SF3B2: variants seen among roughly 807,000 people sequenced by gnomAD.
SF3B2 encodes SAP 145.
Under a neutral mutation model 116.3 loss-of-function variants are expected in SF3B2, and 22 were observed. The ratio of observed to expected loss-of-function variants is 0.19; its 90% confidence interval spans 0.14 to 0.27. The LOEUF is 0.27. SF3B2 is among the 10% of genes least tolerant of loss of function. The pLI is 1.00. For missense variants in SF3B2, 767 were observed against 1,151.4 expected (o/e 0.67, Z 4.83); for synonymous variants, 406 against 421.6 (o/e 0.96, Z 0.45).
At position 66,055,525 on chromosome 11, in the gene SF3B2, C is replaced by T; in HGVS notation, c.499-10C>T. ...ATTGGTGCTGGTATGAACTTGTTTT[C>T]TTTTTTAAGCAGGGAGATCATTCGC... is the stretch of plus-strand genomic sequence containing the variant. On this transcript the variant is annotated splice_polypyrimidine_tract_variant and intron_variant, in intron 4 of 21. Coordinates refer to ENST00000322535, the MANE Select transcript of SF3B2 (RefSeq NM_006842.3). The T allele has an allele frequency of 6.2e-7, 1 of 1,614,126 alleles. No individual in the cohort carries two copies. Among genetic ancestry groups the T allele is most frequent in the East Asian group, 2.2e-5 (1 of 44,892 alleles).
rs1856964867 is a variant in SF3B2, at chr11:66,054,943, T to C, written c.259-133T>C. On this transcript the variant is annotated intron_variant, in intron 3 of 21. Coordinates refer to ENST00000322535, the MANE Select transcript of SF3B2 (RefSeq NM_006842.3). ...ATATCTTTATAGAGCTGTGGAGCAT[T>C]CTCTCTTATGGAGTGGTAACTATGT... 4 of 817,202 alleles carry C rather than the reference T, an allele frequency of 4.9e-6. No individual in the cohort carries two copies. The East Asian group carries it at 1.1e-4, about 23-fold the overall frequency. The allele number at this position is 817,202 out of a possible 1,614,324, so 50.6% of individuals were successfully genotyped here.
At position 66,061,891 on chromosome 11, in the gene SF3B2, A is replaced by C. The variant is rs761127856; in HGVS notation, c.1870A>C (p.Asn624His). 2 of 1,611,750 alleles carry C rather than the reference A, an allele frequency of 1.2e-6. No individual in the cohort carries two copies. The highest frequency in any genetic ancestry group is 2.7e-5 in the African/African-American group (2 of 74,824). The stretch of plus-strand genomic sequence containing the variant: ...GTATCCTGTTCTCTTTTTCCTGCAG[A>C]ATGCCCACAAGGTCCCTCCCCCATG... ...RISLGMPVGPNAHKVPPPWLI... is the reference protein window; with the variant it reads ...RISLGMPVGPHAHKVPPPWLI... The change falls in exon 16 of 22, where the codon AAT becomes CAT. Residue 624 changes from asparagine (N) to histidine (H), a missense_variant and splice_region_variant. Transcript: ENST00000322535.
At chr11:66,060,865 T>G in intron 14 of SF3B2, 134 bp downstream of exon 14, 2 of 955,038 alleles carry the variant, frequency 2.1e-6, no homozygotes, top group Non-Finnish European at 3.1e-6. Flanking sequence ...AGTGGTGGGA[T>G]CTCGGCTCAC....
chr11:66,063,345 G>C, intron 17 of SF3B2, 55 bp from the exon 18 acceptor site: 1 of 1,537,990 alleles, frequency 6.5e-7, no homozygotes, highest in Non-Finnish European at 8.8e-7. Flanking sequence ...AAACAGCCTG[G>C]CACATAATAG....
chr11:66,056,399 CAAA>C (rs34575917), intron 5 of SF3B2, among the ~76,000 whole-genome samples: 4 of 52,172 alleles, frequency 7.7e-5, no homozygotes, highest in African/African-American at 3.2e-4. Flanking sequence ...GACTCTGTCT[CAAA>C]AAAAAAAAAA....
At chr11:66,062,117 A>G (rs1857109457) in intron 16 of SF3B2, 119 bp downstream of exon 16, 14 of 748,728 alleles carry the variant, frequency 1.9e-5, no homozygotes, top group Non-Finnish European at 3.1e-5. Flanking sequence ...AAAATATTTT[A>G]TTGACATAAT....
rs958354262 is a variant in SF3B2, at chr11:66,058,810, G to C, written c.967-20G>C. ...AGTGCTTGGATTCCCTGACCCAGCTGGTTTTCCTCCTCTTGACAGAAAAAC... is the reference window on the plus strand; with the variant it reads ...AGTGCTTGGATTCCCTGACCCAGCTCGTTTTCCTCCTCTTGACAGAAAAAC... On this transcript the variant is annotated intron_variant, in intron 9 of 21. Coordinates refer to ENST00000322535, the MANE Select transcript of SF3B2 (RefSeq NM_006842.3). 6.2e-7 allele frequency: 1 copy of C among 1,600,622 alleles called. No homozygotes were observed. The highest frequency in any genetic ancestry group is 1.3e-5 in the African/African-American group (1 of 74,148).
At position 66,063,416 on chromosome 11, in the gene SF3B2, A is replaced by T; in HGVS notation, c.2102A>T (p.Glu701Val). 6.2e-7 allele frequency: 1 copy of T among 1,613,376 alleles called. No individual in the cohort carries two copies. Reference protein sequence around the residue: ...AAEFQTKTEEEEIDRTPWGEL... With the variant: ...AAEFQTKTEEVEIDRTPWGEL... Reference sequence around the variant, plus strand: ...CTCTTTCAGACCAAGACTGAGGAAGAAGAGATTGATCGGACCCCTTGGGGG... The same window carrying T: ...CTCTTTCAGACCAAGACTGAGGAAGTAGAGATTGATCGGACCCCTTGGGGG... Residue 701 changes from glutamate (E) to valine (V), a missense_variant, in exon 18 of 22, where the codon GAA becomes GTA. Transcript: ENST00000322535.
Position 66,063,749 on chromosome 11 carries a change from C to G in SF3B2, c.2330+20C>G, listed in dbSNP as rs1857134701. 1.3e-6 allele frequency: 2 copies of G among 1,566,670 alleles called. No individual in the cohort carries two copies. On this transcript the variant is annotated intron_variant, in intron 19 of 21. Coordinates refer to ENST00000322535, the MANE Select transcript of SF3B2 (RefSeq NM_006842.3). ...GGACGGGTAAGGGTACCAGACAGGG[C>G]TGAGAGGGGAGGACCTTCACTTCCC...
intron 19 of SF3B2, among the ~76,000 whole-genome samples, chr11:66,064,444 TCTC>T (rs1857146526): frequency 6.6e-6 from 1 of 152,214 alleles, no homozygotes; most frequent in Non-Finnish European, 1.5e-5. Flanking sequence ...ACTTCATTTC[TCTC>T]CTCCCAATTT....
In SF3B2 at chr11:66,059,087, G is replaced by A. The variant is rs533354669; in HGVS notation, c.1182+42G>A. On this transcript the variant is annotated intron_variant, in intron 10 of 21. Transcript: ENST00000322535. This position sits in a 1 kb window ranked among gnomAD's most constrained non-coding sequence, Gnocchi z 5.0. ...CTAGGAAGGGGCAGTGCCAAACAGG[G>A]AAGGGGCTCAGAGGTGGGTGAGAGG... is the stretch of plus-strand genomic sequence containing the variant. 1.9e-6 allele frequency: 3 copies of A among 1,609,494 alleles called. No individual in the cohort carries two copies. In the African/African-American group the frequency reaches 4.0e-5, roughly 22 times the overall value.
At chr11:66,061,819 T>C (rs755373073) in intron 15 of SF3B2, 44 bp downstream of exon 15, 2 of 1,605,618 alleles carry the variant, frequency 1.2e-6, no homozygotes, top group Non-Finnish European at 1.7e-6. Context: ...AAGAGGCTGG[T>C]GGGGATTGGA....
intron 19 of SF3B2, among the ~76,000 whole-genome samples, chr11:66,064,235 C>T (rs1857142635): frequency 6.6e-6 from 1 of 152,150 alleles, no homozygotes. Context: ...TCCCTTTTTC[C>T]TGTTTTTCTA....
intron 7 of SF3B2, 113 bp downstream of exon 7, chr11:66,057,488 G>T (rs971285048): frequency 4.5e-6 from 3 of 659,942 alleles, no homozygotes; most frequent in African/African-American, 3.6e-5. Flanking sequence ...AAATTCCTGG[G>T]GGTAGTGGGG....
In SF3B2 at chr11:66,061,688, G is replaced by A; in HGVS notation, c.1782G>A (p.Gly594=). The A allele has an allele frequency of 6.2e-7, 1 of 1,613,626 alleles. No homozygotes were observed. The highest frequency in any genetic ancestry group is 8.5e-7 in the Non-Finnish European group (1 of 1,179,482). ...LTIHGDLYYE[G]KEFETRLKEK... ...AGCATGCTCTGCTTTTCCCTCAGGG[G>A]AAGGAGTTCGAGACACGACTGAAGG... Residue 594 remains glycine, a splice_region_variant and synonymous_variant, in exon 15 of 22, where the codon GGG becomes GGA. Coordinates refer to ENST00000322535, the MANE Select transcript of SF3B2 (RefSeq NM_006842.3).
At chr11:66,052,895 G>C (rs1856911284) in intron 2 of SF3B2, 132 bp from the exon 3 acceptor site, 2 of 1,221,336 alleles carry the variant, frequency 1.6e-6, no homozygotes, top group Admixed American at 1.8e-5. Context: ...TATCCATCTT[G>C]GTCCTCTTCA....
rs3837429 is a variant in SF3B2, at chr11:66,055,931, C to CCTT, written c.549+347_549+349dup. 4.8e-3 allele frequency: 1,301 copies of CCTT among 271,498 alleles called. 55 individuals are homozygous for CCTT. The East Asian group carries it at 0.08, about 17-fold the overall frequency. 16.8% of individuals were successfully genotyped at this position (271,498 alleles called of 1,614,324 possible). Reference sequence around the variant, plus strand: ...AAAAGAGCCTGCTGACCTCTGCTCGCCTTACATGACATCATTCTAGATAGG... The same window carrying CCTT: ...AAAAGAGCCTGCTGACCTCTGCTCGCCTTCTTACATGACATCATTCTAGATAGG... On this transcript the variant is annotated intron_variant, in intron 5 of 21. Coordinates refer to ENST00000322535, the MANE Select transcript of SF3B2 (RefSeq NM_006842.3).
rs1316596251 is a variant in SF3B2 at position 66,055,496 on chromosome 11, G to T, written c.499-39G>T. The T allele has an allele frequency of 3.1e-6, 5 of 1,612,142 alleles. No homozygotes were observed. In the South Asian group the frequency reaches 5.5e-5, roughly 18 times the overall value. On this transcript the variant is annotated intron_variant, in intron 4 of 21. Transcript: ENST00000322535. ...AAGAGTTGTGGCAGATTGGCGTGTTGGGTATTGGTGCTGGTATGAACTTGT... is the reference window on the plus strand; with the variant it reads ...AAGAGTTGTGGCAGATTGGCGTGTTTGGTATTGGTGCTGGTATGAACTTGT...
rs1455317323 is a variant in SF3B2, at chr11:66,059,238, C to T, written c.1220C>T (p.Pro407Leu). ...DDVKKEKEKE[P>L]EKLDKLENSA... ...GTGAAGAAGGAGAAAGAGAAGGAGC[C>T]AGAGAAACTTGACAAACTGGAGAAC... The change falls in exon 11 of 22, where the codon CCA becomes CTA. Residue 407 changes from proline to leucine, a missense_variant. This residue lies in a region of SF3B2 where 455 missense variants were observed against 537.5 expected (regional missense o/e 0.85). Transcript: ENST00000322535. This position sits in a 1 kb window ranked among gnomAD's most constrained non-coding sequence, Gnocchi z 5.0. The T allele has an allele frequency of 4.3e-6, 7 of 1,613,896 alleles. No homozygotes were observed. Among genetic ancestry groups the T allele is most frequent in the Non-Finnish European group, 5.9e-6 (7 of 1,179,998 alleles).
Sources: allele counts gnomAD v4.1 joint callset (sites outside exome capture counted in the v4.1 genomes callset), GRCh38; gene constraint gnomAD v4.1.1; regional missense constraint gnomAD v4.1.1; non-coding constraint Gnocchi (gnomAD v3.1); transcripts MANE v1.5; gene names NCBI Gene and HGNC (gene_info 2026-07-23, HGNC 2026-07-21).